The following SLC23A2 variants were observed in gnomAD, a reference collection of about 807,000 sequenced individuals.
The protein encoded by SLC23A2 is Na(+)/L-ascorbic acid transporter 2.
Under a neutral mutation model 73.3 loss-of-function variants are expected in SLC23A2, and 36 were observed. The observed-to-expected ratio is 0.49, with a 90% confidence interval of 0.38 to 0.65. The LOEUF (loss-of-function observed/expected upper bound fraction) is 0.65. Ranked by LOEUF, SLC23A2 falls within the 30% of genes least tolerant of loss-of-function variation. SLC23A2 has a pLI of 0.00. For missense variants in SLC23A2, 507 were observed against 841.6 expected (o/e 0.60, Z 4.92); for synonymous variants, 343 against 327.3 (o/e 1.05, Z -0.52).
intron 3 of SLC23A2, among the ~76,000 whole-genome samples, chr20:4,923,654 T>A (rs1932572524): frequency 6.6e-6 from 1 of 152,180 alleles, no homozygotes; most frequent in Admixed American, 6.5e-5. Flanking sequence ...CCCAGACAAC[T>A]ATTATTACCA....
chr20:4,962,677 C>A (rs1158065996), intron 2 of SLC23A2, among the ~76,000 whole-genome samples: 1 of 152,164 alleles, frequency 6.6e-6, no homozygotes, highest in Non-Finnish European at 1.5e-5. Context: ...CAGGAGCCAA[C>A]ATTCAAGGGG....
chr20:4,999,283 G>A (rs1399717459), intron 1 of SLC23A2, among the ~76,000 whole-genome samples: 1 of 152,066 alleles, frequency 6.6e-6, no homozygotes, highest in Non-Finnish European at 1.5e-5. Context: ...GCTCTGTGAG[G>A]GCAAAAGACA....
intron 9 of SLC23A2, 81 bp from the exon 10 acceptor site, chr20:4,874,777 A>C: frequency 8.3e-7 from 1 of 1,207,220 alleles, no homozygotes; most frequent in East Asian, 2.4e-5. Context: ...TCTATGGCAA[A>C]ATTGACATAG....
chr20:4,860,380 A>T (rs539842285), intron 15 of SLC23A2, among the ~76,000 whole-genome samples: 2 of 152,338 alleles, frequency 1.3e-5, no homozygotes, highest in East Asian at 3.9e-4. Flanking sequence ...TTTGCGGACT[A>T]TGTAGTGCCA....
intron 1 of SLC23A2, among the ~76,000 whole-genome samples, chr20:4,991,047 C>T (rs1181692558): frequency 2.0e-5 from 3 of 151,608 alleles, no homozygotes; most frequent in Non-Finnish European, 4.4e-5. Flanking sequence ...TGCTCTATAC[C>T]AGTTAGTAAT....
chr20:4,925,516 C>G (rs1932639424), intron 3 of SLC23A2, among the ~76,000 whole-genome samples: 1 of 152,160 alleles, frequency 6.6e-6, no homozygotes. Context: ...TAACCATCTG[C>G]TGAATGGAAG....
chr20:4,928,434 G>C (rs187475206), intron 3 of SLC23A2, among the ~76,000 whole-genome samples: 2 of 152,054 alleles, frequency 1.3e-5, no homozygotes, highest in Non-Finnish European at 2.9e-5. Flanking sequence ...TTTTGTTTTC[G>C]TGTTTTCCTT....
At chr20:4,967,261 A>G (rs1407235015) in intron 2 of SLC23A2, among the ~76,000 whole-genome samples, 1 of 152,270 alleles carries the variant, frequency 6.6e-6, no homozygotes, top group Non-Finnish European at 1.5e-5. Flanking sequence ...TTATCATTAG[A>G]AGTCATGGGA....
intron 2 of SLC23A2, among the ~76,000 whole-genome samples, chr20:4,934,169 T>G (rs72552371): frequency 2.6e-5 from 4 of 152,292 alleles, no homozygotes; most frequent in Admixed American, 2.6e-4. Flanking sequence ...ACATTTGCAT[T>G]TTCATTCACG....
intron 1 of SLC23A2, among the ~76,000 whole-genome samples, chr20:4,995,164 G>A (rs943505167): frequency 5.9e-5 from 9 of 152,028 alleles, no homozygotes; most frequent in African/African-American, 2.2e-4. Context: ...CCAGTGGGGG[G>A]AAAAAATGTG....
intron 3 of SLC23A2, among the ~76,000 whole-genome samples, chr20:4,915,728 A>G (rs1367314950): frequency 6.6e-6 from 1 of 152,156 alleles, no homozygotes; most frequent in Non-Finnish European, 1.5e-5. Context: ...CAGGCAGATC[A>G]CCCGAGATCA....
At chr20:4,907,040 G>A (rs144051023) in intron 4 of SLC23A2, among the ~76,000 whole-genome samples, 1 of 152,298 alleles carries the variant, frequency 6.6e-6, no homozygotes, top group African/African-American at 2.4e-5. Flanking sequence ...TGGTCAGACA[G>A]TGTGTTAACT....
Position 4,857,165 on chromosome 20 carries a change from C to G in SLC23A2, c.1760G>C (p.Gly587Ala). Residue 587 changes from glycine (G) to alanine (A), a missense_variant, in exon 17 of 17, where the codon GGT becomes GCT. Physicochemically the swap from Gly to Ala is moderately conservative, Grantham distance 60. Coordinates refer to ENST00000338244, the MANE Select transcript of SLC23A2 (RefSeq NM_005116.6). This position sits in a 1 kb window ranked among gnomAD's most constrained non-coding sequence, Gnocchi z 4.0. The part of the protein sequence containing the change: ...EERGIRKWKK[G>A]VGKGNKSLDG... ...GAGTGATTTGTTCCCTTTGCCCACACCCTTCTTCCATTTCCGGATTCCTCT... is the reference window on the plus strand; with the variant it reads ...GAGTGATTTGTTCCCTTTGCCCACAGCCTTCTTCCATTTCCGGATTCCTCT... The G allele has an allele frequency of 6.2e-7, 1 of 1,611,496 alleles. No homozygotes were observed. The highest frequency in any genetic ancestry group is 8.5e-7 in the Non-Finnish European group (1 of 1,178,070).
At chr20:4,993,233 G>T (rs113794604) in intron 1 of SLC23A2, among the ~76,000 whole-genome samples, 1,877 of 150,288 alleles carry the variant, frequency 0.012, 38 homozygotes, top group African/African-American at 0.042. Flanking sequence ...GCAGTGAGCT[G>T]AGATCGTGCC....
intron 2 of SLC23A2, among the ~76,000 whole-genome samples, chr20:4,958,211 A>C (rs573533619): frequency 1.3e-5 from 2 of 152,374 alleles, no homozygotes; most frequent in Admixed American, 1.3e-4. Flanking sequence ...ACTGGAGACC[A>C]TGCATGGTGC....
chr20:5,003,772 C>A (rs565975071), upstream of SLC23A2, among the ~76,000 whole-genome samples: 1 of 152,116 alleles, frequency 6.6e-6, no homozygotes, highest in Non-Finnish European at 1.5e-5. Flanking sequence ...GCCCAACCTC[C>A]CCTGCCATCA....
chr20:4,961,254 T>G (rs939568229), intron 2 of SLC23A2, among the ~76,000 whole-genome samples: 4 of 152,120 alleles, frequency 2.6e-5, no homozygotes, highest in Non-Finnish European at 5.9e-5. Flanking sequence ...GCTAATTTTT[T>G]GTATTTTTAG....
intron 6 of SLC23A2, among the ~76,000 whole-genome samples, chr20:4,890,431 T>C (rs1931287759): frequency 6.6e-6 from 1 of 152,074 alleles, no homozygotes; most frequent in Admixed American, 6.6e-5. Flanking sequence ...GGCAGGAGGA[T>C]AACCTGAGGT....
At chr20:4,905,851 T>C (rs1396846774) in intron 4 of SLC23A2, among the ~76,000 whole-genome samples, 2 of 151,610 alleles carry the variant, frequency 1.3e-5, no homozygotes, top group Non-Finnish European at 2.9e-5. Context: ...AACAAAGAAA[T>C]GTGGCTGTGT....
Sources: gnomAD v4.1 joint callset for allele counts (sites outside exome capture counted in the v4.1 genomes callset) on GRCh38, gnomAD v4.1.1 for gene constraint, Gnocchi (gnomAD v3.1) non-coding constraint, MANE v1.5 for transcripts, NCBI Gene and HGNC (gene_info 2026-07-23, HGNC 2026-07-21) for gene names.